Variants in MECOM observed in about 807,000 individuals in gnomAD.
The protein encoded by MECOM is MDS1 and EVI1 complex locus, also known as histone-lysine N-methyltransferase MECOM.
A neutral mutation model predicts 116.3 loss-of-function variants in MECOM; 13 were observed. The ratio of observed to expected loss-of-function variants is 0.11; its 90% confidence interval spans 0.07 to 0.18. MECOM has a LOEUF of 0.18. MECOM is among the 10% of genes least tolerant of loss of function. MECOM has a pLI of 1.00. For missense variants in MECOM, 1,299 were observed against 1,509.0 expected, an observed-to-expected ratio of 0.86 and a Z score of 2.31; for synonymous variants, 528 against 535.2, an observed-to-expected ratio of 0.99 and a Z score of 0.19.
At chr3:169,352,448 T>C (rs1042324528) in intron 2 of MECOM, among the ~76,000 whole-genome samples, 7 of 151,898 alleles carry the variant, frequency 4.6e-5, no homozygotes. Context: ...TTGACTCTGA[T>C]GTGGTAGTTT....
intron 2 of MECOM, among the ~76,000 whole-genome samples, chr3:169,354,782 T>A (rs1726966686): frequency 6.6e-6 from 1 of 150,824 alleles, no homozygotes; most frequent in African/African-American, 2.5e-5. Context: ...GTTTGTTCAG[T>A]TTTTCCCCCC....
chr3:169,444,537 C>G (rs1026346323), intron 1 of MECOM, among the ~76,000 whole-genome samples: 1 of 152,100 alleles, frequency 6.6e-6, no homozygotes, highest in Non-Finnish European at 1.5e-5. Context: ...GTGCCTTTCA[C>G]CCCCCGCCAT....
At chr3:169,604,463 C>G (rs185100662) in intron 1 of MECOM, among the ~76,000 whole-genome samples, 150 of 152,350 alleles carry the variant, frequency 9.8e-4, no homozygotes, top group Non-Finnish European at 1.8e-3. Context: ...AAGAAAGACT[C>G]TGGCTGGGAC....
At chr3:169,383,551 A>G (rs1201899797) in intron 1 of MECOM, among the ~76,000 whole-genome samples, 1 of 152,110 alleles carries the variant, frequency 6.6e-6, no homozygotes, top group Non-Finnish European at 1.5e-5. Flanking sequence ...CCTTCATCCA[A>G]TTCTTTCAAA....
chr3:169,490,184 C>T (rs1163231455), intron 1 of MECOM, among the ~76,000 whole-genome samples: 2 of 152,056 alleles, frequency 1.3e-5, no homozygotes, highest in Non-Finnish European at 2.9e-5. Flanking sequence ...TCTGATAATA[C>T]TAATCATTGT....
At chr3:169,501,399 G>A (rs1191885535) in intron 1 of MECOM, among the ~76,000 whole-genome samples, 1 of 151,624 alleles carries the variant, frequency 6.6e-6, no homozygotes, top group African/African-American at 2.4e-5. Context: ...TTACTGAAAG[G>A]CATTTTACAT....
intron 2 of MECOM, among the ~76,000 whole-genome samples, chr3:169,316,063 A>G (rs1021858089): frequency 1.3e-5 from 2 of 152,254 alleles, no homozygotes. Flanking sequence ...AAAACAATAG[A>G]TTTAAATTGA....
chr3:169,376,742 G>C (rs890982661), intron 2 of MECOM, among the ~76,000 whole-genome samples: 1 of 152,094 alleles, frequency 6.6e-6, no homozygotes, highest in Non-Finnish European at 1.5e-5. Context: ...TCATGAAATT[G>C]GCCATACTGC....
intron 1 of MECOM, among the ~76,000 whole-genome samples, chr3:169,575,925 C>A (rs1764442444): frequency 6.6e-6 from 1 of 152,028 alleles, no homozygotes. Context: ...TCCCTGTAAA[C>A]CGTACAAATT....
intron 2 of MECOM, among the ~76,000 whole-genome samples, chr3:169,179,997 C>T (rs1745737406): frequency 6.6e-6 from 1 of 152,278 alleles, no homozygotes; most frequent in South Asian, 2.1e-4. Flanking sequence ...ATGTAGTCAA[C>T]CTTAATCTAC....
chr3:169,186,418 G>C (rs1296281627), intron 2 of MECOM, among the ~76,000 whole-genome samples: 4 of 112,624 alleles, frequency 3.6e-5, no homozygotes, highest in Non-Finnish European at 7.3e-5. Flanking sequence ...GGGAGGGAGG[G>C]AGGAAACTAA....
intron 1 of MECOM, among the ~76,000 whole-genome samples, chr3:169,507,061 GATA>G (rs1755324297): frequency 6.6e-6 from 1 of 152,142 alleles, no homozygotes; most frequent in Non-Finnish European, 1.5e-5. Flanking sequence ...GAATTGTCTG[GATA>G]ATATTAAAAA....
intron 1 of MECOM, among the ~76,000 whole-genome samples, chr3:169,420,447 T>A (rs1268331365): frequency 2.0e-5 from 3 of 152,102 alleles, no homozygotes; most frequent in Admixed American, 2.0e-4. Flanking sequence ...AACCCATGGA[T>A]CTGAAATTCA....
intron 1 of MECOM, among the ~76,000 whole-genome samples, chr3:169,588,731 G>A (rs1035495956): frequency 3.9e-5 from 6 of 151,938 alleles, no homozygotes; most frequent in South Asian, 2.1e-4. Flanking sequence ...CACTTCGTAC[G>A]TTTTCCACAG....
intron 1 of MECOM, among the ~76,000 whole-genome samples, chr3:169,470,464 C>T (rs1473387778): frequency 1.3e-5 from 2 of 152,146 alleles, no homozygotes; most frequent in East Asian, 3.8e-4. Flanking sequence ...AAATTTATTC[C>T]TTTAGGAGCC....
Position 169,084,908 on chromosome 3 carries a change from G to T in MECOM, c.*1C>A, listed in dbSNP as rs370609194. 4 of 1,613,948 alleles carry T rather than the reference G, an allele frequency of 2.5e-6. No individual in the cohort carries two copies. The highest frequency in any genetic ancestry group is 1.7e-5 in the Admixed American group (1 of 60,024). On this transcript the variant is annotated 3_prime_UTR_variant, in exon 17 of 17. Coordinates refer to ENST00000651503, the MANE Select transcript of MECOM (RefSeq NM_004991.4). ...TCCCACTCTGGTCAACCTTGATAAC[G>T]TCATACGTGGCTTATGGACTGGATA...
chr3:169,530,782 G>C (rs1758523367), intron 1 of MECOM, among the ~76,000 whole-genome samples: 1 of 152,076 alleles, frequency 6.6e-6, no homozygotes, highest in African/African-American at 2.4e-5. Context: ...GCCAAGGTCA[G>C]TCTAAAGGTT....
chr3:169,406,004 G>A lies in MECOM; in HGVS notation c.38-24480C>T, dbSNP rs188431216. Among the ~76,000 whole-genome samples the A allele has an allele frequency of 2.7e-3, 407 of 152,306 alleles. 3 individuals carry two copies. The highest frequency in any genetic ancestry group is 9.2e-3 in the African/African-American group (381 of 41,574). ...GGAGAATGTTGAAGATTATGGGTTA[G>A]CTTGGGAAGACTTTCCTAGCCATGG... On this transcript the variant is annotated intron_variant, in intron 1 of 16. Coordinates refer to ENST00000651503, the MANE Select transcript of MECOM (RefSeq NM_004991.4).
At chr3:169,268,173 A>T (rs1353800494) in intron 2 of MECOM, among the ~76,000 whole-genome samples, 2 of 152,326 alleles carry the variant, frequency 1.3e-5, no homozygotes, top group African/African-American at 2.4e-5. Flanking sequence ...AAAATCTTTG[A>T]TAGCTTTTCA....
Sources: allele counts gnomAD v4.1 joint callset (sites outside exome capture counted in the v4.1 genomes callset), GRCh38; gene constraint gnomAD v4.1.1; transcripts MANE v1.5; gene names NCBI Gene and HGNC (gene_info 2026-07-23, HGNC 2026-07-21).